Variants in HDAC3 observed in about 807,000 individuals in gnomAD.
HDAC3 encodes the protein SMAP45.
A neutral mutation model predicts 62.3 loss-of-function variants in HDAC3; 21 were observed. The observed-to-expected ratio is 0.34, with a 90% CI of 0.24 to 0.49. The LOEUF is 0.49. Among genes scored for constraint, HDAC3 ranks in the 20% least tolerant of loss-of-function variants. HDAC3 has a pLI of 0.99. For synonymous variants in HDAC3, 198 were observed against 206.5 expected (o/e 0.96, Z 0.35); for missense variants, 270 against 556.9 (o/e 0.48, Z 5.19).
intron 1 of HDAC3, 38 bp downstream of exon 1, chr5:141,636,698 C>T: frequency 2.5e-6 from 4 of 1,613,356 alleles, no homozygotes; most frequent in Non-Finnish European, 3.4e-6. Flanking sequence ...TCAAAACCTC[C>T]GTGTCCCAAC....
In HDAC3 at chr5:141,626,873, A is replaced by T. The variant is rs2099904509; in HGVS notation, c.831-590T>A. ...CCACCCCCTCCACCTTAGTCTGGGC[A>T]CCTAACCAACACCATGGCTTCCTAA... is the stretch of plus-strand genomic sequence containing the variant. On this transcript the variant is annotated intron_variant, in intron 10 of 14. Transcript: ENST00000305264. The surrounding 1 kb of genome is among the most constrained non-coding windows in gnomAD (Gnocchi z 4.6). 6.6e-6 allele frequency among the ~76,000 whole-genome samples: 1 copy of T among 150,740 alleles called. No homozygotes were observed. Among genetic ancestry groups the T allele is most frequent in the African/African-American group, 2.4e-5 (1 of 40,928 alleles).
rs2099904474 is a variant in HDAC3 at position 141,626,729 on chromosome 5, C to T, written c.831-446G>A. The stretch of plus-strand genomic sequence containing the variant: ...CTGCACTCCAGCCTGGGTGACAGAG[C>T]AAGACTCCATCTCAAAAAAGAAAAA... On this transcript the variant is annotated intron_variant, in intron 10 of 14. Coordinates refer to ENST00000305264, the MANE Select transcript of HDAC3 (RefSeq NM_003883.4). This position sits in a 1 kb window ranked among gnomAD's most constrained non-coding sequence, Gnocchi z 4.6. Among the ~76,000 whole-genome samples, 3 of 147,730 alleles carry T rather than the reference C, an allele frequency of 2.0e-5. No individual in the cohort carries two copies. The highest frequency in any genetic ancestry group is 4.5e-5 in the Non-Finnish European group (3 of 67,112).
rs757620424 is a variant in HDAC3, at chr5:141,634,963, G to A, written c.139-10C>T. The stretch of plus-strand genomic sequence containing the variant: ...GGTATGGCTTGAAGACCTCGGGATG[G>A]AGACACAAGATGAACCCAGGCAGGG... On this transcript the variant is annotated splice_polypyrimidine_tract_variant and intron_variant, in intron 2 of 14. Coordinates refer to ENST00000305264, the MANE Select transcript of HDAC3 (RefSeq NM_003883.4). The A allele has an allele frequency of 1.2e-6, 2 of 1,613,196 alleles. No individual in the cohort carries two copies. The highest frequency in any genetic ancestry group is 1.7e-6 in the Non-Finnish European group (2 of 1,179,872).
chr5:141,625,418 A>T lies in HDAC3; in HGVS notation c.1060-53T>A, dbSNP rs763372864. On this transcript the variant is annotated intron_variant, in intron 13 of 14. Coordinates refer to ENST00000305264, the MANE Select transcript of HDAC3 (RefSeq NM_003883.4). The surrounding 1 kb of genome is among the most constrained non-coding windows in gnomAD (Gnocchi z 4.0). ...AGCAGTTTCCAGAGATTCCCAGGAC[A>T]TGGAATCTCCTAGCTGCCTTTTACC... is the stretch of plus-strand genomic sequence containing the variant. 1 of 1,580,594 alleles carries T rather than the reference A, an allele frequency of 6.3e-7. No individual in the cohort carries two copies. Among genetic ancestry groups the T allele is most frequent in the African/African-American group, 1.3e-5 (1 of 74,092 alleles).
In HDAC3 at chr5:141,625,112, A is replaced by T. The variant is rs2099904275; in HGVS notation, c.1217+96T>A. The T allele has an allele frequency of 8.9e-7, 1 of 1,119,292 alleles. No homozygotes were observed. Among genetic ancestry groups the T allele is most frequent in the Non-Finnish European group, 1.3e-6 (1 of 787,254 alleles). The allele number at this position is 1,119,292 out of a possible 1,614,324, so 69.3% of individuals were successfully genotyped here. A position where few individuals can be genotyped will look rare whatever the true frequency, so the allele number is the denominator to read the frequency against. On this transcript the variant is annotated intron_variant, in intron 14 of 14. Transcript: ENST00000305264. This position sits in a 1 kb window ranked among gnomAD's most constrained non-coding sequence, Gnocchi z 4.0. ...TGTAGCAGACTAAAGGAGGTAAGCC[A>T]GAGGCAATTAAACTAATACCTTCCC...
chr5:141,626,050 C>T lies in HDAC3; in HGVS notation c.942G>A (p.Leu314=). The T allele has an allele frequency of 6.2e-7, 1 of 1,614,114 alleles. No homozygotes were observed. The highest frequency in any genetic ancestry group is 8.5e-7 in the Non-Finnish European group (1 of 1,180,000). Residue 314 remains leucine (L), a synonymous_variant, in exon 12 of 15, where the codon CTG becomes CTA. Coordinates refer to ENST00000305264, the MANE Select transcript of HDAC3 (RefSeq NM_003883.4). This position sits in a 1 kb window ranked among gnomAD's most constrained non-coding sequence, Gnocchi z 4.6. ...ARCWTYETSL[L]VEEAISEELP... The stretch of plus-strand genomic sequence containing the variant: ...GCTCCTCACTAATGGCCTCTTCTAC[C>T]AGCAGCGATGTCTCATATGTCCTGA...
At chr5:141,630,217 T>C (rs1300295591) in intron 3 of HDAC3, 92 bp from the exon 4 acceptor site, 1 of 1,211,418 alleles carries the variant, frequency 8.3e-7, no homozygotes, top group Non-Finnish European at 1.2e-6. Flanking sequence ...CCAATCTCCA[T>C]TTTTCAAGAA....
In HDAC3 at chr5:141,625,574, G is replaced by T; in HGVS notation, c.1059+111C>A. 8.4e-7 allele frequency: 1 copy of T among 1,197,164 alleles called. No individual in the cohort carries two copies. 74.2% of individuals were successfully genotyped at this position (1,197,164 alleles called of 1,614,324 possible). A position where few individuals can be genotyped will look rare whatever the true frequency, so the allele number is the denominator to read the frequency against. ...CCTCCTAGTCAATAACAGTGACTGT[G>T]ATGGCTTAGAACTTCCTTCTCTTTG... On this transcript the variant is annotated intron_variant, in intron 13 of 14. Transcript: ENST00000305264. The surrounding 1 kb of genome is among the most constrained non-coding windows in gnomAD (Gnocchi z 4.0).
Position 141,629,097 on chromosome 5 carries a change from C to A in HDAC3, c.610+76G>T. On this transcript the variant is annotated intron_variant, in intron 7 of 14. Transcript: ENST00000305264. This position sits in a 1 kb window ranked among gnomAD's most constrained non-coding sequence, Gnocchi z 5.3. ...TGAGGAGGGGACACCTGAGATGAGACTAGAAGGCTGAGAAGGAGGCACTCA... is the reference window on the plus strand; with the variant it reads ...TGAGGAGGGGACACCTGAGATGAGAATAGAAGGCTGAGAAGGAGGCACTCA... 6.7e-7 allele frequency: 1 copy of A among 1,502,124 alleles called. No individual in the cohort carries two copies. Among genetic ancestry groups the A allele is most frequent in the Non-Finnish European group, 9.1e-7 (1 of 1,095,604 alleles). 93.0% of individuals were successfully genotyped at this position (1,502,124 alleles called of 1,614,324 possible). A position where few individuals can be genotyped will look rare whatever the true frequency, so the allele number is the denominator to read the frequency against.
chr5:141,622,724 A>C (rs1002427230), intron 14 of HDAC3, among the ~76,000 whole-genome samples: 4 of 152,252 alleles, frequency 2.6e-5, no homozygotes, highest in Non-Finnish European at 5.9e-5. Flanking sequence ...GCAATGTCTC[A>C]GTTACTTCTA....
In HDAC3 at chr5:141,625,850, A is replaced by C; in HGVS notation, c.980-86T>G. On this transcript the variant is annotated intron_variant, in intron 12 of 14. Transcript: ENST00000305264. The surrounding 1 kb of genome is among the most constrained non-coding windows in gnomAD (Gnocchi z 4.0). The stretch of plus-strand genomic sequence containing the variant: ...AATCTTTTTCCTTCCCATCCAGAGC[A>C]CCTACATAATAGCTGCCCAATCTCT... 7.2e-7 allele frequency: 1 copy of C among 1,380,206 alleles called. No individual in the cohort carries two copies. The highest frequency in any genetic ancestry group is 1.7e-5 in the Admixed American group (1 of 59,004). The allele number at this position is 1,380,206 out of a possible 1,614,324, so 85.5% of individuals were successfully genotyped here.
intron 2 of HDAC3, chr5:141,636,091 ACGGCAGCAT>A (rs1456923371): frequency 5.6e-6 from 1 of 177,560 alleles, no homozygotes; most frequent in African/African-American, 2.3e-5. Flanking sequence ...ATTTACAAAG[ACGGCAGCAT>A]CGTTCCACCC....
Position 141,629,641 on chromosome 5 carries a change from C to A in HDAC3, c.476+43G>T. ...GTTGAGACTGAGAGACCTCCTCAGC[C>A]AAGAATCCCGTAACTGCCCCCATCT... On this transcript the variant is annotated intron_variant, in intron 6 of 14. Coordinates refer to ENST00000305264, the MANE Select transcript of HDAC3 (RefSeq NM_003883.4). This position sits in a 1 kb window ranked among gnomAD's most constrained non-coding sequence, Gnocchi z 5.3. 1 of 1,600,764 alleles carries A rather than the reference C, an allele frequency of 6.2e-7. No homozygotes were observed. Among genetic ancestry groups the A allele is most frequent in the South Asian group, 1.1e-5 (1 of 90,744 alleles).
intron 2 of HDAC3, among the ~76,000 whole-genome samples, chr5:141,635,735 G>T (rs1473428992): frequency 6.6e-6 from 1 of 152,226 alleles, no homozygotes; most frequent in Non-Finnish European, 1.5e-5. Context: ...CTCCCAAGTA[G>T]TTGGGACTAC....
rs1245745564 is a variant in HDAC3 at position 141,628,516 on chromosome 5, A to G, written c.691+43T>C. Reference sequence around the variant, plus strand: ...GCAGAAGAGGTTATTTCAAGGAGAAAAAGAAGGGGCCTAGGGAACAGAGGG... The same window carrying G: ...GCAGAAGAGGTTATTTCAAGGAGAAGAAGAAGGGGCCTAGGGAACAGAGGG... On this transcript the variant is annotated intron_variant, in intron 8 of 14. Coordinates refer to ENST00000305264, the MANE Select transcript of HDAC3 (RefSeq NM_003883.4). This position sits in a 1 kb window ranked among gnomAD's most constrained non-coding sequence, Gnocchi z 4.7. The G allele has an allele frequency of 6.6e-7, 1 of 1,509,698 alleles. No individual in the cohort carries two copies. The highest frequency in any genetic ancestry group is 1.1e-5 in the South Asian group (1 of 88,856). 93.5% of individuals were successfully genotyped at this position (1,509,698 alleles called of 1,614,324 possible). A position where few individuals can be genotyped will look rare whatever the true frequency, so the allele number is the denominator to read the frequency against.
chr5:141,631,635 G>T (rs1442988942), intron 3 of HDAC3, among the ~76,000 whole-genome samples: 2 of 152,218 alleles, frequency 1.3e-5, no homozygotes, highest in East Asian at 3.8e-4. Context: ...AAATAGCAAT[G>T]AGAGACAATA....
In HDAC3 at chr5:141,625,155, TA is replaced by T; in HGVS notation, c.1217+52del. On this transcript the variant is annotated intron_variant, in intron 14 of 14. Coordinates refer to ENST00000305264, the MANE Select transcript of HDAC3 (RefSeq NM_003883.4). This position sits in a 1 kb window ranked among gnomAD's most constrained non-coding sequence, Gnocchi z 4.0. ...ACCTTCCCATTTACTTTTTCCCTTT[TA>T]AACCTCCCCAGCAAGCCTATTGAAA... 1 of 1,534,886 alleles carries T rather than the reference TA, an allele frequency of 6.5e-7. No individual in the cohort carries two copies.
At chr5:141,624,465 G>C (rs972476897) in intron 14 of HDAC3, among the ~76,000 whole-genome samples, 1 of 147,066 alleles carries the variant, frequency 6.8e-6, no homozygotes, top group African/African-American at 2.5e-5. Flanking sequence ...GCTGAGGCAG[G>C]AGGATCGCTT....
intron 2 of HDAC3, 101 bp from the exon 3 acceptor site, chr5:141,635,054 A>G: frequency 8.7e-7 from 1 of 1,153,028 alleles, no homozygotes; most frequent in Non-Finnish European, 1.2e-6. Flanking sequence ...TATGAAGCCA[A>G]ACATAGCATT....
Sources: allele counts gnomAD v4.1 joint callset (sites outside exome capture counted in the v4.1 genomes callset), GRCh38; gene constraint gnomAD v4.1.1; non-coding constraint Gnocchi (gnomAD v3.1); transcripts MANE v1.5; gene names NCBI Gene and HGNC (gene_info 2026-07-23, HGNC 2026-07-21).